FAM185A: variants seen among roughly 807,000 people sequenced by gnomAD.
FAM185A encodes protein FAM185A.
Under a neutral mutation model 45.7 loss-of-function variants are expected in FAM185A, and 21 were observed. The ratio of observed to expected loss-of-function variants is 0.46; its 90% CI spans 0.33 to 0.66. The LOEUF (loss-of-function observed/expected upper bound fraction) is 0.66. Among genes scored for constraint, FAM185A ranks in the 30% least tolerant of loss-of-function variants. The probability of loss-of-function intolerance (pLI) is 0.03; values close to 1 mark genes in which losing one functional copy is unlikely to be tolerated. For synonymous variants in FAM185A, 117 were observed against 194.0 expected (o/e 0.60, Z 3.30); for missense variants, 305 against 485.4 (o/e 0.63, Z 3.49).
intron 6 of FAM185A, among the ~76,000 whole-genome samples, chr7:102,785,415 C>T (rs1198460052): frequency 2.0e-5 from 3 of 151,172 alleles, no homozygotes; most frequent in Non-Finnish European, 4.4e-5. Flanking sequence ...CATCACGCTA[C>T]CTGACTTCAA....
intron 6 of FAM185A, among the ~76,000 whole-genome samples, chr7:102,785,050 G>A (rs1365348266): frequency 6.6e-6 from 1 of 150,632 alleles, no homozygotes; most frequent in African/African-American, 2.4e-5. Context: ...CAGACAGAGA[G>A]CTAAATCATG....
Position 102,787,096 on chromosome 7 carries a change from G to A in FAM185A, c.932-239G>A, listed in dbSNP as rs540831310. 3.9e-5 allele frequency among the ~76,000 whole-genome samples: 6 copies of A among 152,288 alleles called. No homozygotes were observed. In the East Asian group the frequency reaches 1.2e-3, roughly 29 times the overall value. On this transcript the variant is annotated intron_variant, in intron 6 of 7. Transcript: ENST00000413034. The stretch of plus-strand genomic sequence containing the variant: ...CTGTGTAGGACTATTGGCAAAAGAA[G>A]AACTAGTAGTTAATAATGTGCTAAT...
At position 102,749,461 on chromosome 7, in the gene FAM185A, T is replaced by G; in HGVS notation, c.254T>G (p.Leu85Arg). 1.9e-6 allele frequency: 3 copies of G among 1,547,364 alleles called. No homozygotes were observed. The highest frequency in any genetic ancestry group is 8.7e-7 in the Non-Finnish European group (1 of 1,145,956). ...GRLRARLPCH[L>R]AVRPLDPLTY... ...CTGCGGGCGCGGCTCCCGTGCCACC[T>G]GGCCGTGAGGCCCCTGGACCCCCTC... Residue 85 changes from leucine (L) to arginine (R), a missense_variant, in exon 1 of 8, where the codon CTG (leucine) becomes CGG (arginine). Physicochemically the swap from Leu to Arg is moderately radical, Grantham distance 102. Coordinates refer to ENST00000413034, the MANE Select transcript of FAM185A (RefSeq NM_001145268.2).
intron 6 of FAM185A, among the ~76,000 whole-genome samples, chr7:102,781,767 G>C (rs1795421683): frequency 6.6e-6 from 1 of 152,214 alleles, no homozygotes. Flanking sequence ...TCCTCTAGAG[G>C]AACGCGGCTC....
chr7:102,843,723 C>G, the FAM185A span, among the ~76,000 whole-genome samples: 1 of 152,124 alleles, frequency 6.6e-6, no homozygotes, highest in Non-Finnish European at 1.5e-5. Context: ...TTGCAATGAG[C>G]CAAGATCGCG....
chr7:102,774,113 C>A (rs1794914591), intron 5 of FAM185A, among the ~76,000 whole-genome samples: 1 of 152,026 alleles, frequency 6.6e-6, no homozygotes, highest in South Asian at 2.1e-4. Context: ...TTATTTAGGT[C>A]TTCTTTAATT....
chr7:102,834,081 G>GAAGGA, the FAM185A span, among the ~76,000 whole-genome samples: 11 of 84,916 alleles, frequency 1.3e-4, no homozygotes, highest in Admixed American at 1.3e-4. Flanking sequence ...AGGAAGGAAG[G>GAAGGA]AAAGAAAAGA....
At chr7:102,779,025 C>G (rs1167256870) in intron 6 of FAM185A, among the ~76,000 whole-genome samples, 1 of 152,230 alleles carries the variant, frequency 6.6e-6, no homozygotes, top group East Asian at 1.9e-4. Flanking sequence ...TTAATTCATT[C>G]CAGGCTATGC....
At chr7:102,779,850 CTTTTTTTTTTTTTTTTT>C (rs10537618) in intron 6 of FAM185A, 2 of 34,202 alleles carry the variant, frequency 5.8e-5, no homozygotes, top group African/African-American at 1.2e-4. Flanking sequence ...CCACACCCAG[CTTTTTTTTTTTTTTTTT>C]TTTTTTTTTT....
intron 6 of FAM185A, among the ~76,000 whole-genome samples, chr7:102,786,910 T>C (rs1795840581): frequency 6.6e-6 from 1 of 152,006 alleles, no homozygotes; most frequent in South Asian, 2.1e-4. Context: ...TTGAGCAAGT[T>C]CTTATCTATA....
intron 4 of FAM185A, among the ~76,000 whole-genome samples, chr7:102,762,065 T>C (rs1455377895): frequency 1.3e-5 from 2 of 152,208 alleles, no homozygotes; most frequent in Admixed American, 1.3e-4. Flanking sequence ...ATTGCTTTTA[T>C]GTTAACATAA....
chr7:102,751,555 C>G, intron 1 of FAM185A, 137 bp from the exon 2 acceptor site: 1 of 994,054 alleles, frequency 1.0e-6, no homozygotes, highest in African/African-American at 1.7e-5. Flanking sequence ...GGTAGAAGAC[C>G]CCTTACCTTT....
intron 7 of FAM185A, among the ~76,000 whole-genome samples, chr7:102,790,494 A>G (rs1796079991): frequency 6.6e-6 from 1 of 152,242 alleles, no homozygotes; most frequent in African/African-American, 2.4e-5. Context: ...TTTGGTCCCA[A>G]TAATCTAAAA....
chr7:102,822,616 A>G, the FAM185A span, among the ~76,000 whole-genome samples: 6 of 152,228 alleles, frequency 3.9e-5, no homozygotes, highest in African/African-American at 1.4e-4. Flanking sequence ...TTTTTGGAGG[A>G]CAAACATTCA....
chr7:102,830,692 T>C, the FAM185A span, among the ~76,000 whole-genome samples: 1 of 152,238 alleles, frequency 6.6e-6, no homozygotes, highest in Non-Finnish European at 1.5e-5. Context: ...ACATAGAAGC[T>C]GAACTTCTAG....
chr7:102,772,495 A>G, intron 5 of FAM185A, 45 bp downstream of exon 5: 1 of 1,359,252 alleles, frequency 7.4e-7, no homozygotes, highest in Non-Finnish European at 1.0e-6. Flanking sequence ...CACTTTTAAA[A>G]ATGGGTATAT....
At chr7:102,848,792 A>G in the FAM185A span, among the ~76,000 whole-genome samples, 1 of 152,068 alleles carries the variant, frequency 6.6e-6, no homozygotes, top group Non-Finnish European at 1.5e-5. Flanking sequence ...TGAGGTCAGG[A>G]GTTCGAGACC....
At chr7:102,755,849 G>C in intron 2 of FAM185A, 1 of 652,498 alleles carries the variant, frequency 1.5e-6, no homozygotes, top group Non-Finnish European at 2.8e-6. Flanking sequence ...ACTGTCACTG[G>C]GACGGCAATG....
chr7:102,819,849 A>G, the FAM185A span, among the ~76,000 whole-genome samples: 2 of 152,160 alleles, frequency 1.3e-5, no homozygotes, highest in Non-Finnish European at 2.9e-5. Context: ...GTCTACATAC[A>G]CTGTGCATTT....
Sources: allele counts gnomAD v4.1 joint callset (sites outside exome capture counted in the v4.1 genomes callset), GRCh38; gene constraint gnomAD v4.1.1; transcripts MANE v1.5; gene names NCBI Gene and HGNC (gene_info 2026-07-23, HGNC 2026-07-21).